Variants in ATP1A2 observed in about 807,000 individuals in gnomAD.
ATP1A2 encodes sodium/potassium-transporting ATPase subunit alpha-2.
In ATP1A2, 56 loss-of-function variants were observed where a neutral mutation model predicts 113.1. The observed-to-expected ratio is 0.49, with a 90% CI of 0.40 to 0.62. ATP1A2 has a LOEUF of 0.62. Among genes scored for constraint, ATP1A2 ranks in the 20% least tolerant of loss-of-function variants. ATP1A2 has a pLI of 0.00. For missense variants in ATP1A2, 712 were observed against 1,357.8 expected, an observed-to-expected ratio of 0.52 and a Z score of 7.47; for synonymous variants, 490 against 526.8, an observed-to-expected ratio of 0.93 and a Z score of 0.96.
chr1:160,123,510 C>A (rs1408224908), intron 4 of ATP1A2, 94 bp downstream of exon 4: 31 of 1,495,574 alleles, frequency 2.1e-5, no homozygotes, highest in Admixed American at 8.4e-5. Context: ...ACAAGGCCCT[C>A]ACATAACAGT....
rs772593652 is a variant in ATP1A2, at chr1:160,135,285, G to A, written c.2105G>A (p.Cys702Tyr). The A allele has an allele frequency of 3.7e-6, 6 of 1,614,192 alleles. No individual in the cohort carries two copies. The highest frequency in any genetic ancestry group is 5.1e-6 in the Non-Finnish European group (6 of 1,180,032). The change falls in exon 15 of 23, where the codon TGT (cysteine) becomes TAT (tyrosine). Residue 702 changes from cysteine to tyrosine, a missense_variant. Coordinates refer to ENST00000361216, the MANE Select transcript of ATP1A2 (RefSeq NM_000702.4). This position sits in a 1 kb window ranked among gnomAD's most constrained non-coding sequence, Gnocchi z 6.3. ...CAGAAGCTCATCATTGTGGAGGGAT[G>A]TCAGAGGCAGGTGAGCACAGCCACG... is the stretch of plus-strand genomic sequence containing the variant. ...PQQKLIIVEGCQRQGAIVAVT... is the reference protein window; with the variant it reads ...PQQKLIIVEGYQRQGAIVAVT...
In ATP1A2 at chr1:160,134,626, G is replaced by A; in HGVS notation, c.1964+6G>A. On this transcript the variant is annotated splice_donor_region_variant and intron_variant, in intron 14 of 22. Coordinates refer to ENST00000361216, the MANE Select transcript of ATP1A2 (RefSeq NM_000702.4). Reference sequence around the variant, plus strand: ...ATGAGTCAAGTCAACCCCAGGTGAGGCCTCTGCAGGAAGCCCCTGTGCCCT... The same window carrying A: ...ATGAGTCAAGTCAACCCCAGGTGAGACCTCTGCAGGAAGCCCCTGTGCCCT... 1 of 1,614,190 alleles carries A rather than the reference G, an allele frequency of 6.2e-7. No homozygotes were observed. The highest frequency in any genetic ancestry group is 8.5e-7 in the Non-Finnish European group (1 of 1,180,014).
Position 160,127,533 on chromosome 1 carries a change from A to C in ATP1A2, c.749-19A>C. 1.2e-6 allele frequency: 2 copies of C among 1,614,074 alleles called. No individual in the cohort carries two copies. Among genetic ancestry groups the C allele is most frequent in the South Asian group, 2.2e-5 (2 of 91,078 alleles). On this transcript the variant is annotated intron_variant, in intron 7 of 22. Coordinates refer to ENST00000361216, the MANE Select transcript of ATP1A2 (RefSeq NM_000702.4). ...TGGGAGCCACAAGGCACCCAACCTG[A>C]TGCCCCACCATGTTGCAGGCACTGC...
Position 160,142,226 on chromosome 1 carries a change from T to G in ATP1A2, c.*904T>G, listed in dbSNP as rs1248620147. On this transcript the variant is annotated 3_prime_UTR_variant, in exon 23 of 23. Coordinates refer to ENST00000361216, the MANE Select transcript of ATP1A2 (RefSeq NM_000702.4). Reference sequence around the variant, plus strand: ...TCATGTACTTAATAACACTTCACCTTCTGTAATACTAAGTCCTCAGAGCTC... The same window carrying G: ...TCATGTACTTAATAACACTTCACCTGCTGTAATACTAAGTCCTCAGAGCTC... The G allele has an allele frequency of 6.6e-6, 1 of 152,192 alleles. No individual in the cohort carries two copies. The highest frequency in any genetic ancestry group is 1.5e-5 in the Non-Finnish European group (1 of 68,046). 9.4% of individuals were successfully genotyped at this position (152,192 alleles called of 1,614,324 possible). A position where few individuals can be genotyped will look rare whatever the true frequency, so the allele number is the denominator to read the frequency against.
rs145261817 is a variant in ATP1A2, at chr1:160,136,661, C to T, written c.2655C>T (p.Leu885=). ...CATCACGGCTACTGGGAATCCGCCT[C>T]GACTGGGATGACCGGACCATGAATG... ...FLPSRLLGIR[L]DWDDRTMNDL... Residue 885 remains leucine, a synonymous_variant, in exon 19 of 23, where the codon CTC becomes CTT. Transcript: ENST00000361216. 1.4e-5 allele frequency: 22 copies of T among 1,614,104 alleles called. No homozygotes were observed. Among genetic ancestry groups the T allele is most frequent in the African/African-American group, 2.7e-5 (2 of 74,930 alleles).
intron 3 of ATP1A2, among the ~76,000 whole-genome samples, chr1:160,122,872 G>A (rs1313200869): frequency 6.6e-6 from 1 of 152,128 alleles, no homozygotes; most frequent in Non-Finnish European, 1.5e-5. Context: ...ATAATCTGAA[G>A]GAAGAGAGAT....
At chr1:160,118,383 CTGA>C (rs147019399) in intron 1 of ATP1A2, among the ~76,000 whole-genome samples, 2,031 of 152,288 alleles carry the variant, frequency 0.013, 31 homozygotes, top group African/African-American at 0.045. Flanking sequence ...CTCAGCCAGC[CTGA>C]TCTCTTGCCT....
chr1:160,129,454 G>T, intron 11 of ATP1A2, 54 bp downstream of exon 11: 1 of 1,601,532 alleles, frequency 6.2e-7, no homozygotes, highest in African/African-American at 1.3e-5. Context: ...ATGGGTGAGG[G>T]TGGACAAAGC....
At chr1:160,131,328 CCTT>C (rs1281588817) in intron 13 of ATP1A2, among the ~76,000 whole-genome samples, 1 of 152,128 alleles carries the variant, frequency 6.6e-6, no homozygotes, top group Non-Finnish European at 1.5e-5. Flanking sequence ...CAGTATTTTT[CCTT>C]TTTTACAAAG....
chr1:160,127,906 C>T (rs1232671248), intron 8 of ATP1A2, 86 bp downstream of exon 8: 2 of 1,502,816 alleles, frequency 1.3e-6, no homozygotes, highest in Admixed American at 4.5e-5. Context: ...CTTGTAGCTT[C>T]TCACTACTTT....
At chr1:160,126,097 T>C (rs1052666090) in intron 7 of ATP1A2, among the ~76,000 whole-genome samples, 7 of 152,204 alleles carry the variant, frequency 4.6e-5, no homozygotes, top group Non-Finnish European at 2.9e-5. Flanking sequence ...CTGTGGTTTT[T>C]TTCCCTTCTT....
intron 3 of ATP1A2, among the ~76,000 whole-genome samples, chr1:160,122,420 G>A (rs372420942): frequency 5.7e-4 from 78 of 137,096 alleles, no homozygotes; most frequent in East Asian, 6.3e-4. Flanking sequence ...ATGAATGAAT[G>A]AAAAAAAAAA....
intron 3 of ATP1A2, 66 bp from the exon 4 acceptor site, chr1:160,123,147 A>G: frequency 1.9e-6 from 3 of 1,564,854 alleles, no homozygotes; most frequent in Non-Finnish European, 2.6e-6. Context: ...AGCTGAAGGG[A>G]TGGGCATGGT....
At chr1:160,122,911 A>G (rs543829235) in intron 3 of ATP1A2, among the ~76,000 whole-genome samples, 9 of 152,322 alleles carry the variant, frequency 5.9e-5, no homozygotes, top group African/African-American at 1.7e-4. Flanking sequence ...GTGTCTTTCC[A>G]GGGAGCTTAT....
intron 1 of ATP1A2, among the ~76,000 whole-genome samples, chr1:160,118,319 T>G (rs148843365): frequency 1.3e-5 from 2 of 152,340 alleles, no homozygotes; most frequent in African/African-American, 2.4e-5. Context: ...CCTGCTCCTC[T>G]GTGTATGCCT....
At chr1:160,130,370 C>T (rs578247133) in intron 12 of ATP1A2, 52 bp from the exon 13 acceptor site, 21 of 1,613,986 alleles carry the variant, frequency 1.3e-5, no homozygotes, top group Middle Eastern at 1.6e-4. Context: ...ACTGTGGGGG[C>T]GTCCAGGAAG....
rs1570986330 is a variant in ATP1A2 at position 160,125,486 on chromosome 1, T to C, written c.748+233T>C. 7.3e-6 allele frequency: 4 copies of C among 545,556 alleles called. No homozygotes were observed. The East Asian group carries it at 9.7e-5, about 13-fold the overall frequency. The allele number at this position is 545,556 out of a possible 1,614,324, so 33.8% of individuals were successfully genotyped here. ...CTTCCCCAGGGAGATCTCTGTTCTGTCCACCCCAAGACTGAGTGGATTTCA... is the reference window on the plus strand; with the variant it reads ...CTTCCCCAGGGAGATCTCTGTTCTGCCCACCCCAAGACTGAGTGGATTTCA... On this transcript the variant is annotated intron_variant, in intron 7 of 22. Coordinates refer to ENST00000361216, the MANE Select transcript of ATP1A2 (RefSeq NM_000702.4).
chr1:160,123,484 G>T (rs1278540859), intron 4 of ATP1A2, 68 bp downstream of exon 4: 16 of 1,580,134 alleles, frequency 1.0e-5, no homozygotes, highest in Non-Finnish European at 1.3e-5. Flanking sequence ...CCAACACAGT[G>T]GGGGGTGGGC....
rs1418658456 is a variant in ATP1A2 at position 160,130,087 on chromosome 1, C to G, written c.1462-15C>G. Reference sequence around the variant, plus strand: ...CAAGTATGGCCCTCTCTGTAACTACCTGTTGTCTCTCCAGCTGTCTATCCA... The same window carrying G: ...CAAGTATGGCCCTCTCTGTAACTACGTGTTGTCTCTCCAGCTGTCTATCCA... On this transcript the variant is annotated splice_polypyrimidine_tract_variant and intron_variant, in intron 11 of 22. Transcript: ENST00000361216. 2.5e-6 allele frequency: 4 copies of G among 1,614,054 alleles called. No homozygotes were observed. The highest frequency in any genetic ancestry group is 4.5e-5 in the East Asian group (2 of 44,894).
Sources: allele counts gnomAD v4.1 joint callset (sites outside exome capture counted in the v4.1 genomes callset), GRCh38; gene constraint gnomAD v4.1.1; non-coding constraint Gnocchi (gnomAD v3.1); transcripts MANE v1.5; gene names NCBI Gene and HGNC (gene_info 2026-07-23, HGNC 2026-07-21).